Variants in MECOM observed in about 807,000 individuals in gnomAD.
The protein encoded by MECOM is histone-lysine N-methyltransferase MECOM.
MECOM carries 13 observed loss-of-function variants against 116.3 expected under a neutral mutation model. The observed-to-expected ratio is 0.11, with a 90% CI of 0.07 to 0.18. MECOM has a LOEUF of 0.18. Ranked by LOEUF, MECOM falls within the 10% of genes least tolerant of loss-of-function variation. The pLI, the probability that MECOM is intolerant of heterozygous loss-of-function variation, is 1.00. For missense variants in MECOM, 1,299 were observed against 1,509.0 expected (o/e 0.86, Z 2.31); for synonymous variants, 528 against 535.2 (o/e 0.99, Z 0.19).
At chr3:169,245,914 A>G (rs1200827239) in intron 2 of MECOM, among the ~76,000 whole-genome samples, 1 of 152,310 alleles carries the variant, frequency 6.6e-6, no homozygotes, top group East Asian at 1.9e-4. Context: ...CTTATAATCT[A>G]TGTGGCACAG....
chr3:169,590,868 A>G (rs1452025845), intron 1 of MECOM, among the ~76,000 whole-genome samples: 1 of 152,234 alleles, frequency 6.6e-6, no homozygotes, highest in African/African-American at 2.4e-5. Context: ...TACTATCTGT[A>G]CTAAAGACAG....
chr3:169,229,397 C>T (rs1290316181), intron 2 of MECOM, among the ~76,000 whole-genome samples: 1 of 152,166 alleles, frequency 6.6e-6, no homozygotes, highest in Non-Finnish European at 1.5e-5. Context: ...AAATTATATT[C>T]TCTGGTCAGT....
At chr3:169,657,715 C>T (rs1388651060) in intron 1 of MECOM, among the ~76,000 whole-genome samples, 1 of 152,360 alleles carries the variant, frequency 6.6e-6, no homozygotes, top group East Asian at 1.9e-4. Context: ...AGCCAGGGCA[C>T]TTCAAAGGAG....
chr3:169,114,324 A>G (rs2149062393), intron 8 of MECOM, among the ~76,000 whole-genome samples: 1 of 152,300 alleles, frequency 6.6e-6, no homozygotes, highest in South Asian at 2.1e-4. Context: ...CTACTTTATC[A>G]TATTCAAACG....
At chr3:169,219,373 G>A (rs1225075183) in intron 2 of MECOM, among the ~76,000 whole-genome samples, 2 of 152,168 alleles carry the variant, frequency 1.3e-5, no homozygotes, top group African/African-American at 2.4e-5. Context: ...CAGGCGTGGT[G>A]GTGGGCGCCT....
At chr3:169,364,375 A>G (rs1279035490) in intron 2 of MECOM, among the ~76,000 whole-genome samples, 1 of 152,012 alleles carries the variant, frequency 6.6e-6, no homozygotes, top group East Asian at 1.9e-4. Context: ...GTCTGATAAT[A>G]TATTAAACTT....
intron 1 of MECOM, among the ~76,000 whole-genome samples, chr3:169,569,010 AC>A (rs1450073037): frequency 6.6e-6 from 1 of 152,200 alleles, no homozygotes; most frequent in Non-Finnish European, 1.5e-5. Context: ...TTAAATATAA[AC>A]AGGCTAAATG....
rs777180318 is a variant in MECOM at position 169,122,686 on chromosome 3, T to A, written c.872A>T (p.Tyr291Phe). The A allele has an allele frequency of 6.2e-7, 1 of 1,614,060 alleles. No homozygotes were observed. Among genetic ancestry groups the A allele is most frequent in the South Asian group, 1.1e-5 (1 of 91,074 alleles). The change falls in exon 6 of 17, where the codon TAC becomes TTC. Residue 291 changes from tyrosine to phenylalanine, a missense_variant. Around this residue, in one of 6 missense-constraint regions of MECOM, gnomAD observed 374 missense variants for 433.4 expected, o/e 0.86. Transcript: ENST00000651503. ...HMLSHTEEREYKCDQCPKAFN... is the reference protein window; with the variant it reads ...HMLSHTEEREFKCDQCPKAFN... ...TGCCTTGGGACACTGATCACACTTGTATTCCCTCTCTTCAGTATGTGACAG... is the reference window on the plus strand; with the variant it reads ...TGCCTTGGGACACTGATCACACTTGAATTCCCTCTCTTCAGTATGTGACAG...
At chr3:169,249,688 G>A (rs867794529) in intron 2 of MECOM, among the ~76,000 whole-genome samples, 12 of 152,108 alleles carry the variant, frequency 7.9e-5, no homozygotes, top group Non-Finnish European at 7.3e-5. Context: ...AACATTTTGG[G>A]CACAATGGCT....
At chr3:169,172,215 CAAGT>C (rs1352664864) in intron 2 of MECOM, among the ~76,000 whole-genome samples, 1 of 151,592 alleles carries the variant, frequency 6.6e-6, no homozygotes, top group African/African-American at 2.4e-5. Context: ...ATGTTTGTAT[CAAGT>C]AATATAATCA....
intron 2 of MECOM, among the ~76,000 whole-genome samples, chr3:169,193,907 C>A (rs533823482): frequency 8.5e-5 from 13 of 152,104 alleles, no homozygotes; most frequent in Admixed American, 2.6e-4. Context: ...ATTGGCAATT[C>A]TTTTATTAAA....
chr3:169,603,515 G>C (rs1214958021), intron 1 of MECOM, among the ~76,000 whole-genome samples: 1 of 152,162 alleles, frequency 6.6e-6, no homozygotes, highest in Non-Finnish European at 1.5e-5. Context: ...GCAAAGTCCA[G>C]GGCTTTCACA....
chr3:169,207,040 A>G (rs374464649), intron 2 of MECOM, among the ~76,000 whole-genome samples: 3 of 152,230 alleles, frequency 2.0e-5, no homozygotes, highest in Non-Finnish European at 4.4e-5. Context: ...ATAAAGAACA[A>G]AAATATCTTG....
Position 169,621,936 on chromosome 3 carries a change from A to G in MECOM, c.37+41400T>C, listed in dbSNP as rs577493249. Among the ~76,000 whole-genome samples the G allele has an allele frequency of 2.9e-4, 44 of 152,368 alleles. No homozygotes were observed. The South Asian group carries it at 5.6e-3, about 19-fold the overall frequency. On this transcript the variant is annotated intron_variant, in intron 1 of 16. Coordinates refer to ENST00000651503, the MANE Select transcript of MECOM (RefSeq NM_004991.4). ...GGTAAGGCAAAACCCTATAAAAAGA[A>G]GAAAAACTTCCTTACGACTCCAATC... is the stretch of plus-strand genomic sequence containing the variant.
At chr3:169,122,529 G>C in intron 6 of MECOM, 51 bp downstream of exon 6, 1 of 1,604,860 alleles carries the variant, frequency 6.2e-7, no homozygotes, top group South Asian at 1.1e-5. Context: ...GATGGATTAA[G>C]AGAGAGCAGG....
chr3:169,460,052 G>C (rs1747172748), intron 1 of MECOM, among the ~76,000 whole-genome samples: 1 of 152,102 alleles, frequency 6.6e-6, no homozygotes, highest in Non-Finnish European at 1.5e-5. Context: ...TGAGTCTTGA[G>C]AGTTGTTTTG....
At chr3:169,291,022 C>G (rs1714449769) in intron 2 of MECOM, among the ~76,000 whole-genome samples, 1 of 152,220 alleles carries the variant, frequency 6.6e-6, no homozygotes, top group African/African-American at 2.4e-5. Flanking sequence ...CCTACTACCA[C>G]TACCACCTTT....
intron 1 of MECOM, among the ~76,000 whole-genome samples, chr3:169,531,981 G>T (rs6762319): frequency 0.018 from 2,719 of 152,252 alleles, 77 homozygotes; most frequent in African/African-American, 0.062. Context: ...TCTTGGGCAA[G>T]TTCCTAAAGT....
intron 1 of MECOM, among the ~76,000 whole-genome samples, chr3:169,551,816 A>G (rs77384175): frequency 0.011 from 1,717 of 152,364 alleles, 31 homozygotes; most frequent in African/African-American, 0.04. Context: ...AATGTCACTC[A>G]ATGAATAATG....
Sources: allele counts gnomAD v4.1 joint callset (sites outside exome capture counted in the v4.1 genomes callset), GRCh38; gene constraint gnomAD v4.1.1; regional missense constraint gnomAD v4.1.1; transcripts MANE v1.5; gene names NCBI Gene and HGNC (gene_info 2026-07-23, HGNC 2026-07-21).